TAFA1: variants seen among roughly 807,000 people sequenced by gnomAD.
TAFA1 encodes chemokine-like protein TAFA-1.
A neutral mutation model predicts 18.5 loss-of-function variants in TAFA1; 4 were observed. The ratio of observed to expected loss-of-function variants is 0.22; its 90% CI spans 0.11 to 0.49. The LOEUF is 0.49. Ranked by LOEUF, TAFA1 falls within the 20% of genes least tolerant of loss-of-function variation. TAFA1 has a pLI of 0.98. For missense variants in TAFA1, 147 were observed against 169.0 expected, an observed-to-expected ratio of 0.87 and a Z score of 0.72; for synonymous variants, 56 against 55.2, an observed-to-expected ratio of 1.01 and a Z score of -0.06.
intron 2 of TAFA1, among the ~76,000 whole-genome samples, chr3:68,166,533 A>G (rs780898011): frequency 9.9e-5 from 15 of 152,134 alleles, no homozygotes; most frequent in Non-Finnish European, 7.3e-5. Flanking sequence ...GCAACAGCCA[A>G]TGGGGTGTGT....
intron 2 of TAFA1, among the ~76,000 whole-genome samples, chr3:68,161,943 A>G (rs2065930084): frequency 6.6e-6 from 1 of 152,242 alleles, no homozygotes; most frequent in East Asian, 1.9e-4. Flanking sequence ...AAACACAGCC[A>G]TGCTCATTTC....
intron 3 of TAFA1, among the ~76,000 whole-genome samples, chr3:68,420,623 C>G (rs1241100299): frequency 6.6e-6 from 1 of 152,094 alleles, no homozygotes; most frequent in Non-Finnish European, 1.5e-5. Context: ...TTGGTAATGT[C>G]TGGAGATATT....
At chr3:68,151,274 G>A (rs1338432732) in intron 2 of TAFA1, among the ~76,000 whole-genome samples, 1 of 152,060 alleles carries the variant, frequency 6.6e-6, no homozygotes, top group Non-Finnish European at 1.5e-5. Flanking sequence ...GTTATTTAAT[G>A]TACAAAAATG....
intron 2 of TAFA1, among the ~76,000 whole-genome samples, chr3:68,102,466 C>A (rs1339357066): frequency 1.3e-5 from 2 of 152,028 alleles, no homozygotes; most frequent in Non-Finnish European, 2.9e-5. Context: ...ATAGGGGAAC[C>A]AAGTAGAAAC....
intron 2 of TAFA1, among the ~76,000 whole-genome samples, chr3:68,182,803 G>A (rs889125722): frequency 1.3e-5 from 2 of 152,058 alleles, no homozygotes; most frequent in African/African-American, 4.8e-5. Flanking sequence ...AGCAATTTCA[G>A]CCAATTTAGT....
chr3:68,383,063 AC>A, intron 2 of TAFA1, among the ~76,000 whole-genome samples: 1 of 152,216 alleles, frequency 6.6e-6, no homozygotes, highest in African/African-American at 2.4e-5. Context: ...GTATCCTGAG[AC>A]TTAGTCAAAG....
chr3:68,479,706 C>A (rs556080673), intron 3 of TAFA1, among the ~76,000 whole-genome samples: 1 of 152,266 alleles, frequency 6.6e-6, no homozygotes, highest in South Asian at 2.1e-4. Flanking sequence ...CAACATTTTT[C>A]ACACTCTTTT....
At chr3:68,516,531 G>C (rs570481664) in intron 3 of TAFA1, among the ~76,000 whole-genome samples, 56 of 152,228 alleles carry the variant, frequency 3.7e-4, no homozygotes, top group African/African-American at 1.3e-3. Flanking sequence ...AATGTGCTTA[G>C]TTCTTGAATT....
intron 3 of TAFA1, among the ~76,000 whole-genome samples, chr3:68,516,659 G>A (rs2072924933): frequency 6.6e-6 from 1 of 152,200 alleles, no homozygotes; most frequent in Non-Finnish European, 1.5e-5. Context: ...AACAGGAGAG[G>A]AAGGGAATGT....
At chr3:68,254,572 A>G (rs2067262150) in intron 2 of TAFA1, among the ~76,000 whole-genome samples, 1 of 152,020 alleles carries the variant, frequency 6.6e-6, no homozygotes, top group African/African-American at 2.4e-5. Flanking sequence ...AAATAATACT[A>G]CTGGAATCTA....
At chr3:68,291,259 A>G (rs939935248) in intron 2 of TAFA1, among the ~76,000 whole-genome samples, 1 of 152,186 alleles carries the variant, frequency 6.6e-6, no homozygotes, top group Non-Finnish European at 1.5e-5. Flanking sequence ...AGAGTCTCGG[A>G]CTGTAAGATG....
chr3:68,529,748 G>C (rs1000091142), intron 3 of TAFA1, among the ~76,000 whole-genome samples: 1 of 152,070 alleles, frequency 6.6e-6, no homozygotes, highest in East Asian at 1.9e-4. Context: ...TAAACAACCA[G>C]CTCTCGTGGG....
At chr3:68,335,420 C>A (rs2068954112) in intron 2 of TAFA1, among the ~76,000 whole-genome samples, 1 of 151,686 alleles carries the variant, frequency 6.6e-6, no homozygotes, top group South Asian at 2.1e-4. Flanking sequence ...AATGAGTTAT[C>A]CATACAGAGA....
At chr3:68,412,572 T>C (rs993187825) in intron 2 of TAFA1, among the ~76,000 whole-genome samples, 1 of 152,140 alleles carries the variant, frequency 6.6e-6, no homozygotes, top group African/African-American at 2.4e-5. Flanking sequence ...TTCCCCACCC[T>C]GTGTCCAAGT....
Position 68,510,844 on chromosome 3 carries a change from T to TTCTGCAAAAAAA in TAFA1, c.260-27910_260-27899dup, listed in dbSNP as rs368683083. On this transcript the variant is annotated intron_variant, in intron 3 of 4. Coordinates refer to ENST00000478136, the MANE Select transcript of TAFA1 (RefSeq NM_213609.4). Reference sequence around the variant, plus strand: ...GCAAGAAGGTGACAGGTTTATTGGGTTCTGCAAAAAAATGTAACAGGAAGA... The same window carrying TTCTGCAAAAAAA: ...GCAAGAAGGTGACAGGTTTATTGGGTTCTGCAAAAAAATCTGCAAAAAAATGTAACAGGAAGA... 8.9e-3 allele frequency among the ~76,000 whole-genome samples: 1,351 copies of TTCTGCAAAAAAA among 152,178 alleles called. 13 individuals are homozygous for TTCTGCAAAAAAA. The highest frequency in any genetic ancestry group is 0.031 in the African/African-American group (1,282 of 41,520).
intron 2 of TAFA1, among the ~76,000 whole-genome samples, chr3:68,268,535 C>T (rs1008193037): frequency 1.3e-5 from 2 of 151,758 alleles, no homozygotes; most frequent in Non-Finnish European, 2.9e-5. Flanking sequence ...ATTTTTTCTC[C>T]CCCACTGGGA....
chr3:68,113,917 TTTTATGA>T, intron 2 of TAFA1, among the ~76,000 whole-genome samples: 1 of 132,574 alleles, frequency 7.5e-6, no homozygotes, highest in African/African-American at 2.8e-5. Flanking sequence ...TTTTTTTTTT[TTTTATGA>T]GACAGAGTCT....
intron 2 of TAFA1, among the ~76,000 whole-genome samples, chr3:68,366,317 C>A (rs2069572475): frequency 1.3e-5 from 2 of 152,148 alleles, no homozygotes; most frequent in Admixed American, 1.3e-4. Context: ...GTAGCTGAGT[C>A]CAACAGAGAA....
intron 2 of TAFA1, among the ~76,000 whole-genome samples, chr3:68,393,147 C>G (rs1181904427): frequency 6.6e-6 from 1 of 151,390 alleles, no homozygotes; most frequent in Non-Finnish European, 1.5e-5. Flanking sequence ...TAGACACACA[C>G]ACAGAGAAAA....
Sources: allele counts gnomAD v4.1 joint callset (sites outside exome capture counted in the v4.1 genomes callset), GRCh38; gene constraint gnomAD v4.1.1; transcripts MANE v1.5; gene names NCBI Gene and HGNC (gene_info 2026-07-23, HGNC 2026-07-21).